GNA14: variants seen among roughly 807,000 people sequenced by gnomAD.
The protein encoded by GNA14 is guanine nucleotide-binding protein subunit alpha-14.
A neutral mutation model predicts 42.0 loss-of-function variants in GNA14; 50 were observed. The ratio of observed to expected loss-of-function variants is 1.19; its 90% CI spans 0.95 to 1.51. The LOEUF is 1.51. Ranked by LOEUF, GNA14 falls within the 40% of genes most tolerant of loss-of-function variation. GNA14 has a pLI of 0.00. For synonymous variants in GNA14, 173 were observed against 163.1 expected, an observed-to-expected ratio of 1.06 and a Z score of -0.46; for missense variants, 473 against 446.2, an observed-to-expected ratio of 1.06 and a Z score of -0.54.
chr9:77,450,891 C>T (rs1446005891), intron 2 of GNA14, among the ~76,000 whole-genome samples: 1 of 152,006 alleles, frequency 6.6e-6, no homozygotes, highest in Non-Finnish European at 1.5e-5. Flanking sequence ...TTATAAAGGG[C>T]ATTTCCCCTG....
At chr9:77,452,952 C>T (rs538866490) in intron 2 of GNA14, among the ~76,000 whole-genome samples, 33 of 151,830 alleles carry the variant, frequency 2.2e-4, no homozygotes, top group Middle Eastern at 3.4e-3. Context: ...GACAACATAG[C>T]GACATTCCCT....
intron 2 of GNA14, among the ~76,000 whole-genome samples, chr9:77,519,641 A>G (rs1837318863): frequency 6.6e-6 from 1 of 152,054 alleles, no homozygotes; most frequent in East Asian, 1.9e-4. Flanking sequence ...GACACTGGAG[A>G]CTACGTAGGG....
chr9:77,485,145 G>A (rs1320432266), intron 2 of GNA14, among the ~76,000 whole-genome samples: 1 of 152,120 alleles, frequency 6.6e-6, no homozygotes, highest in Non-Finnish European at 1.5e-5. Flanking sequence ...AGTAGAATTT[G>A]AGTTAATCCT....
intron 2 of GNA14, among the ~76,000 whole-genome samples, chr9:77,510,700 C>G (rs77642144): frequency 2.0e-5 from 3 of 152,194 alleles, no homozygotes; most frequent in African/African-American, 4.8e-5. Context: ...CCTCCACCCC[C>G]GACCCAAGAT....
chr9:77,505,006 A>C (rs1246595268), intron 2 of GNA14, among the ~76,000 whole-genome samples: 1 of 152,036 alleles, frequency 6.6e-6, no homozygotes, highest in Non-Finnish European at 1.5e-5. Flanking sequence ...GCATCTTCCA[A>C]AGTTGAAAGT....
In GNA14 at chr9:77,429,065, A is replaced by C. The variant is rs1054793176; in HGVS notation, c.594-29T>G. 1.9e-6 allele frequency: 3 copies of C among 1,612,142 alleles called. No homozygotes were observed. The African/African-American group carries it at 4.0e-5, about 22-fold the overall frequency. On this transcript the variant is annotated intron_variant, in intron 4 of 6. Transcript: ENST00000341700. ...TTGTGTAGAAACACAGATCCTTCAA[A>C]GGTTGGAATACATGACACTTCGGGG...
chr9:77,540,702 G>T lies in GNA14; in HGVS notation c.125-11449C>A, dbSNP rs79325123. 4.9e-3 allele frequency among the ~76,000 whole-genome samples: 744 copies of T among 152,138 alleles called. 5 individuals carry two copies. The highest frequency in any genetic ancestry group is 0.017 in the African/African-American group (691 of 41,548). On this transcript the variant is annotated intron_variant, in intron 1 of 6. Transcript: ENST00000341700. Reference sequence around the variant, plus strand: ...AGTTGTTATTTCCTCTTGCTGGATTGATCCTCTTATTATTACACACTGACA... The same window carrying T: ...AGTTGTTATTTCCTCTTGCTGGATTTATCCTCTTATTATTACACACTGACA...
intron 1 of GNA14, among the ~76,000 whole-genome samples, chr9:77,581,999 A>T (rs117520695): frequency 6.6e-6 from 1 of 152,146 alleles, no homozygotes; most frequent in South Asian, 2.1e-4. Flanking sequence ...CTTCAGCTCA[A>T]TCCAGCTCCC....
intron 1 of GNA14, among the ~76,000 whole-genome samples, chr9:77,544,392 A>G (rs1837694717): frequency 1.3e-5 from 2 of 152,118 alleles, no homozygotes; most frequent in African/African-American, 2.4e-5. Flanking sequence ...TAGAAGTACA[A>G]CTCATTTCAT....
At chr9:77,433,691 C>T (rs550916535) in intron 3 of GNA14, among the ~76,000 whole-genome samples, 2 of 152,310 alleles carry the variant, frequency 1.3e-5, no homozygotes, top group African/African-American at 4.8e-5. Flanking sequence ...CTCTATGGGA[C>T]AGTTTGCATG....
chr9:77,565,604 T>C (rs558226070), intron 1 of GNA14, among the ~76,000 whole-genome samples: 43 of 152,098 alleles, frequency 2.8e-4, no homozygotes, highest in Non-Finnish European at 5.9e-4. Flanking sequence ...ATTACAGGCA[T>C]GCGCCGCCAT....
chr9:77,458,659 G>A (rs1308718605), intron 2 of GNA14, among the ~76,000 whole-genome samples: 2 of 152,166 alleles, frequency 1.3e-5, no homozygotes, highest in African/African-American at 4.8e-5. Context: ...TCAATTTACT[G>A]TACTGTTTTC....
intron 1 of GNA14, among the ~76,000 whole-genome samples, chr9:77,640,390 T>TA (rs1824238796): frequency 6.6e-6 from 1 of 152,230 alleles, no homozygotes; most frequent in Admixed American, 6.5e-5. Flanking sequence ...TCCCTTCATA[T>TA]AGCCCTACAC....
At chr9:77,611,951 C>G (rs1008725036) in intron 1 of GNA14, among the ~76,000 whole-genome samples, 8 of 152,130 alleles carry the variant, frequency 5.3e-5, no homozygotes, top group African/African-American at 1.9e-4. Flanking sequence ...ATGTAAAGTA[C>G]TAAGACCCAA....
rs71358606 is a variant in GNA14 at position 77,501,713 on chromosome 9, C to CT, written c.309+27355dup. ...CTTTGTTGTTCAGATTGGATAATTT[C>CT]TTTTTTTTTTTTTTTGAGATGGAGT... On this transcript the variant is annotated intron_variant, in intron 2 of 6. Transcript: ENST00000341700. 1.4e-3 allele frequency among the ~76,000 whole-genome samples: 180 copies of CT among 130,400 alleles called. 4 individuals are homozygous for CT. Among genetic ancestry groups the CT allele is most frequent in the Middle Eastern group, 4.2e-3 (1 of 238 alleles). The allele number at this position is 130,400 out of a possible 152,430, so 85.5% of individuals were successfully genotyped here.
chr9:77,641,165 GAA>G (rs1186051629), intron 1 of GNA14, among the ~76,000 whole-genome samples: 5 of 128,414 alleles, frequency 3.9e-5, no homozygotes, highest in East Asian at 2.8e-4. Flanking sequence ...AGGAAGGAAG[GAA>G]GGAAGGAAGG....
intron 2 of GNA14, among the ~76,000 whole-genome samples, chr9:77,442,379 G>T (rs894016915): frequency 6.6e-6 from 1 of 152,142 alleles, no homozygotes; most frequent in African/African-American, 2.4e-5. Context: ...CTCAAAAAAA[G>T]AAAGAAAGCT....
intron 2 of GNA14, among the ~76,000 whole-genome samples, chr9:77,447,786 G>A (rs1835847390): frequency 6.6e-6 from 1 of 152,138 alleles, no homozygotes; most frequent in South Asian, 2.1e-4. Context: ...GAAGTCTTAT[G>A]GGCCAGGTCT....
intron 1 of GNA14, among the ~76,000 whole-genome samples, chr9:77,555,031 AT>A (rs35572581): frequency 0.16 from 24,923 of 151,630 alleles, 2,726 homozygotes; most frequent in African/African-American, 0.31. Flanking sequence ...ATTTGGCAGT[AT>A]TTTTTTTTAA....
Sources: gnomAD v4.1 joint callset for allele counts (sites outside exome capture counted in the v4.1 genomes callset) on GRCh38, gnomAD v4.1.1 for gene constraint, MANE v1.5 for transcripts, NCBI Gene and HGNC (gene_info 2026-07-23, HGNC 2026-07-21) for gene names.